Variants in CSMD1 observed in about 807,000 individuals in gnomAD.
CSMD1 encodes the protein CUB and sushi domain-containing protein 1.
Under a neutral mutation model 417.5 loss-of-function variants are expected in CSMD1, and 213 were observed. The observed-to-expected ratio is 0.51, with a 90% CI of 0.46 to 0.57. The LOEUF is 0.57. Among genes scored for constraint, CSMD1 ranks in the 20% least tolerant of loss-of-function variants. CSMD1 has a pLI of 0.00. For synonymous variants in CSMD1, 2,862 were observed against 1,736.8 expected (o/e 1.65, Z -16.11); for missense variants, 6,923 against 4,529.7 (o/e 1.53, Z -15.17).
At chr8:4,380,831 T>C (rs926231584) in intron 3 of CSMD1, among the ~76,000 whole-genome samples, 29 of 152,204 alleles carry the variant, frequency 1.9e-4, no homozygotes, top group African/African-American at 5.8e-4. Flanking sequence ...TTAGAATGTT[T>C]CTGTGTTTAA....
At chr8:3,036,924 G>A (rs925727069) in intron 50 of CSMD1, among the ~76,000 whole-genome samples, 2 of 152,264 alleles carry the variant, frequency 1.3e-5, no homozygotes, top group African/African-American at 2.4e-5. Context: ...TGTCATCCAA[G>A]CAGTGTGCAC....
At chr8:4,082,473 A>G (rs567197078) in intron 3 of CSMD1, among the ~76,000 whole-genome samples, 95 of 152,306 alleles carry the variant, frequency 6.2e-4, no homozygotes, top group African/African-American at 2.2e-3. Flanking sequence ...TAGTTCTAGG[A>G]GATTAACGTA....
chr8:3,938,187 T>G (rs1413207963), intron 5 of CSMD1, among the ~76,000 whole-genome samples: 2 of 152,172 alleles, frequency 1.3e-5, no homozygotes, highest in Non-Finnish European at 2.9e-5. Context: ...GCATTGACAT[T>G]GCCTGTCATT....
chr8:3,331,291 G>A (rs1806879352), intron 23 of CSMD1, among the ~76,000 whole-genome samples: 1 of 151,916 alleles, frequency 6.6e-6, no homozygotes, highest in South Asian at 2.1e-4. Flanking sequence ...ATTTCAGACT[G>A]AGGGAGCAAC....
Position 4,059,446 on chromosome 8 carries a change from G to A in CSMD1, c.416-27347C>T, listed in dbSNP as rs564102484. ...AAGGCAAGAAATAACTAAAATCAGAGCAGAACTGAAGGAAATAGAGATGCA... is the reference window on the plus strand; with the variant it reads ...AAGGCAAGAAATAACTAAAATCAGAACAGAACTGAAGGAAATAGAGATGCA... On this transcript the variant is annotated intron_variant, in intron 3 of 69. Coordinates refer to ENST00000635120, the MANE Select transcript of CSMD1 (RefSeq NM_033225.6). Among the ~76,000 whole-genome samples, 30 of 152,234 alleles carry A rather than the reference G, an allele frequency of 2.0e-4. No homozygotes were observed. The East Asian group carries it at 5.0e-3, about 26-fold the overall frequency.
chr8:3,329,749 A>C (rs1309374604), intron 23 of CSMD1, among the ~76,000 whole-genome samples: 1 of 152,152 alleles, frequency 6.6e-6, no homozygotes, highest in Non-Finnish European at 1.5e-5. Context: ...AGCAGAGGCC[A>C]TGCCATCAGT....
intron 40 of CSMD1, 111 bp from the exon 41 acceptor site, chr8:3,142,785 G>C (rs1818584335): frequency 1.3e-5 from 12 of 932,598 alleles, no homozygotes; most frequent in Non-Finnish European, 1.9e-5. Context: ...CCCTCTCTGT[G>C]AGACAGAACC....
At chr8:4,028,374 G>C (rs1275064799) in intron 4 of CSMD1, among the ~76,000 whole-genome samples, 1 of 152,040 alleles carries the variant, frequency 6.6e-6, no homozygotes, top group Non-Finnish European at 1.5e-5. Context: ...GTAGTGCCTG[G>C]CTTACAGTAA....
chr8:4,258,766 T>G (rs547905365), intron 3 of CSMD1, among the ~76,000 whole-genome samples: 11 of 152,084 alleles, frequency 7.2e-5, no homozygotes, highest in African/African-American at 2.4e-4. Context: ...TCCTTAACAT[T>G]TAGAATGTGT....
At chr8:3,337,768 T>A (rs917524693) in intron 23 of CSMD1, among the ~76,000 whole-genome samples, 2 of 152,204 alleles carry the variant, frequency 1.3e-5, no homozygotes, top group African/African-American at 4.8e-5. Context: ...AGAGAGAAAG[T>A]CAGCCTATAG....
chr8:3,369,659 G>C (rs537860128), intron 18 of CSMD1, among the ~76,000 whole-genome samples: 115 of 152,272 alleles, frequency 7.6e-4, no homozygotes, highest in African/African-American at 2.6e-3. Context: ...CATGGTACAG[G>C]TTTGCACTCC....
At position 3,240,858 on chromosome 8, in the gene CSMD1, G is replaced by A. The variant is rs552889341; in HGVS notation, c.4154-10627C>T. On this transcript the variant is annotated intron_variant, in intron 26 of 69. Coordinates refer to ENST00000635120, the MANE Select transcript of CSMD1 (RefSeq NM_033225.6). The stretch of plus-strand genomic sequence containing the variant: ...TGTCTGGTTCTAGAACAGGTAAAAC[G>A]GGGGAATTGTAAGGAGAGTTTATAG... 1.4e-4 allele frequency among the ~76,000 whole-genome samples: 22 copies of A among 152,216 alleles called. No individual in the cohort carries two copies. In the East Asian group the frequency reaches 4.1e-3, roughly 28 times the overall value.
At chr8:4,508,002 G>A (rs540035834) in intron 2 of CSMD1, among the ~76,000 whole-genome samples, 2 of 150,134 alleles carry the variant, frequency 1.3e-5, no homozygotes, top group African/African-American at 4.9e-5. Flanking sequence ...AGACAAAACT[G>A]AACGTTTCTC....
At chr8:3,456,479 G>C (rs1488168208) in intron 12 of CSMD1, among the ~76,000 whole-genome samples, 1 of 152,174 alleles carries the variant, frequency 6.6e-6, no homozygotes, top group Non-Finnish European at 1.5e-5. Context: ...TTTAGAAAAT[G>C]CATAACACTG....
intron 3 of CSMD1, among the ~76,000 whole-genome samples, chr8:4,088,814 G>A (rs1414044225): frequency 6.6e-6 from 1 of 152,036 alleles, no homozygotes; most frequent in Non-Finnish European, 1.5e-5. Context: ...CCCTCAGCAT[G>A]TGGACTCATC....
At chr8:4,450,568 G>C (rs751175938) in intron 2 of CSMD1, among the ~76,000 whole-genome samples, 4 of 152,194 alleles carry the variant, frequency 2.6e-5, no homozygotes, top group East Asian at 1.9e-4. Flanking sequence ...CCGGGAGGCA[G>C]AGGTTGCAGC....
At chr8:4,410,178 A>C (rs191666784) in intron 3 of CSMD1, among the ~76,000 whole-genome samples, 77 of 152,296 alleles carry the variant, frequency 5.1e-4, no homozygotes, top group Middle Eastern at 3.4e-3. Context: ...GGAGAAATTA[A>C]AAGTTTTCTA....
chr8:3,284,949 C>G (rs903865537), intron 25 of CSMD1, among the ~76,000 whole-genome samples: 3 of 152,126 alleles, frequency 2.0e-5, no homozygotes, highest in Non-Finnish European at 4.4e-5. Flanking sequence ...TAAAATTTTA[C>G]CATACTTCTA....
chr8:4,555,566 G>A (rs1322476536), intron 2 of CSMD1, among the ~76,000 whole-genome samples: 1 of 152,106 alleles, frequency 6.6e-6, no homozygotes, highest in East Asian at 1.9e-4. Flanking sequence ...TTGCCTCCAG[G>A]AAGGATCATT....
Sources: gnomAD v4.1 joint callset for allele counts (sites outside exome capture counted in the v4.1 genomes callset) on GRCh38, gnomAD v4.1.1 for gene constraint, MANE v1.5 for transcripts, NCBI Gene and HGNC (gene_info 2026-07-23, HGNC 2026-07-21) for gene names.